Variants in MBP observed in about 807,000 individuals in gnomAD.
The protein encoded by MBP is myelin basic protein, also known as Golli-MBP.
A neutral mutation model predicts 35.8 loss-of-function variants in MBP; 16 were observed. The observed-to-expected ratio is 0.45, with a 90% CI of 0.30 to 0.68. The LOEUF (loss-of-function observed/expected upper bound fraction) is 0.68, where lower values mean the gene tolerates loss of function less well. MBP is among the 30% of genes least tolerant of loss of function. MBP has a pLI of 0.08. For synonymous variants in MBP, 143 were observed against 159.6 expected (o/e 0.90, Z 0.78); for missense variants, 380 against 404.7 (o/e 0.94, Z 0.52).
intron 2 of MBP, among the ~76,000 whole-genome samples, chr18:77,071,294 G>T (rs1437904172): frequency 6.6e-6 from 1 of 152,190 alleles, no homozygotes; most frequent in African/African-American, 2.4e-5. Flanking sequence ...CGGAGTCATG[G>T]TCCACCACAG....
rs989827653 is a variant in MBP, at chr18:77,131,955, G to A, written c.-26+625C>T. Among the ~76,000 whole-genome samples, 15 of 152,128 alleles carry A rather than the reference G, an allele frequency of 9.9e-5. No homozygotes were observed. Among genetic ancestry groups the A allele is most frequent in the African/African-American group, 3.6e-4 (15 of 41,436 alleles). The stretch of plus-strand genomic sequence containing the variant: ...GGAAGCCCGGACCCGGGCTCTCCTG[G>A]CCGCCCCTGGAGCTCAGAGGGAGAC... On this transcript the variant is annotated intron_variant, in intron 1 of 8. Transcript: ENST00000355994. This position sits in a 1 kb window ranked among gnomAD's most constrained non-coding sequence, Gnocchi z 5.5.
intron 2 of MBP, chr18:77,093,203 T>TAG (rs1237658079): frequency 2.0e-5 from 3 of 152,226 alleles, no homozygotes; most frequent in African/African-American, 7.2e-5. Context: ...GGGCCGGCTC[T>TAG]CCGGGAGCAT....
In MBP at chr18:77,044,780, C is replaced by G. The variant is rs580635; in HGVS notation, c.139+21518G>C. Among the ~76,000 whole-genome samples the G allele has an allele frequency of 6.6e-6, 1 of 152,120 alleles. No individual in the cohort carries two copies. Among genetic ancestry groups the G allele is most frequent in the Admixed American group, 6.5e-5 (1 of 15,276 alleles). On this transcript the variant is annotated intron_variant, in intron 3 of 8. Transcript: ENST00000355994. The surrounding 1 kb of genome is among the most constrained non-coding windows in gnomAD (Gnocchi z 4.4). ...AAATGTTCATTTAGAAAAGTTGTATCTGTTTTCTTTCCAAATAAATTTACT... is the reference window on the plus strand; with the variant it reads ...AAATGTTCATTTAGAAAAGTTGTATGTGTTTTCTTTCCAAATAAATTTACT...
intron 1 of MBP, among the ~76,000 whole-genome samples, chr18:77,116,656 C>T (rs923145335): frequency 6.6e-6 from 1 of 152,170 alleles, no homozygotes; most frequent in Non-Finnish European, 1.5e-5. Context: ...CCGAGTAATG[C>T]GTGACCAGCC....
intron 2 of MBP, among the ~76,000 whole-genome samples, chr18:77,087,177 C>A (rs541543462): frequency 2.0e-5 from 3 of 152,248 alleles, no homozygotes; most frequent in African/African-American, 7.2e-5. Flanking sequence ...GACTCCTGAC[C>A]CATCCAGGAG....
chr18:77,013,827 A>G (rs1971478590), intron 4 of MBP: 1 of 985,346 alleles, frequency 1.0e-6, no homozygotes, highest in Admixed American at 6.1e-5. Flanking sequence ...TGTCCAGCTT[A>G]GGTGTCTTGT....
chr18:77,108,458 C>G (rs1244056813), intron 1 of MBP: 2 of 152,204 alleles, frequency 1.3e-5, no homozygotes, highest in African/African-American at 4.8e-5. Flanking sequence ...TGAGCTAGAG[C>G]TGTGGGAGGG....
At chr18:77,120,802 TG>T (rs1307368076) in intron 1 of MBP, among the ~76,000 whole-genome samples, 1 of 152,204 alleles carries the variant, frequency 6.6e-6, no homozygotes, top group African/African-American at 2.4e-5. Context: ...AATAAACCTG[TG>T]TGTGTGCAAT....
chr18:77,012,995 C>A, intron 4 of MBP: 1 of 985,420 alleles, frequency 1.0e-6, no homozygotes, highest in African/African-American at 1.7e-5. Context: ...AATTAACTAT[C>A]GTCTATTCAT....
chr18:77,039,621 C>T (rs1434777911), intron 3 of MBP, among the ~76,000 whole-genome samples: 2 of 152,206 alleles, frequency 1.3e-5, no homozygotes, highest in African/African-American at 4.8e-5. Flanking sequence ...GGGTGAACAG[C>T]ACCCCACATG....
rs959367050 is a variant in MBP, at chr18:77,105,221, T to G, written c.41A>C (p.Lys14Thr). Residue 14 changes from lysine (K) to threonine (T), a missense_variant, in exon 2 of 9, where the codon AAG becomes ACG. Lys to Thr is a moderately conservative substitution (Grantham distance 78, BLOSUM62 -1). Coordinates refer to ENST00000355994, the MANE Select transcript of MBP (RefSeq NM_001025101.2). ...HAGKRELNAE[K>T]ASTNSETNRG... The stretch of plus-strand genomic sequence containing the variant: ...CAGCTCACGTCTTACCGTACTGGCC[T>G]TCTCGGCATTTAATTCTCGTTTGCC... The G allele has an allele frequency of 1.9e-6, 3 of 1,612,752 alleles. No individual in the cohort carries two copies. The highest frequency in any genetic ancestry group is 2.5e-6 in the Non-Finnish European group (3 of 1,179,174).
chr18:77,081,761 T>TAC (rs1482128294), intron 2 of MBP, among the ~76,000 whole-genome samples: 5 of 122,880 alleles, frequency 4.1e-5, no homozygotes, highest in Non-Finnish European at 7.0e-5. Flanking sequence ...TATATATATA[T>TAC]ATATATACAC....
chr18:77,003,710 A>G (rs1435692690), intron 4 of MBP: 1 of 152,214 alleles, frequency 6.6e-6, no homozygotes, highest in African/African-American at 2.4e-5. Context: ...GTTCTAGATG[A>G]AATAGATGCA....
At position 76,979,771 on chromosome 18, in the gene MBP, T is replaced by C. The variant is rs1599443805; in HGVS notation, c.*656A>G. On this transcript the variant is annotated 3_prime_UTR_variant, in exon 9 of 9. Transcript: ENST00000355994. ...TCCCTCTGCCACACGCGAATTCAGCTAATTGGGGTGTGTGGGCAGCCACGG... is the reference window on the plus strand; with the variant it reads ...TCCCTCTGCCACACGCGAATTCAGCCAATTGGGGTGTGTGGGCAGCCACGG... 1.5e-5 allele frequency: 9 copies of C among 591,440 alleles called. No individual in the cohort carries two copies. The East Asian group carries it at 2.6e-4, about 17-fold the overall frequency. 36.6% of individuals were successfully genotyped at this position (591,440 alleles called of 1,614,324 possible). A position where few individuals can be genotyped will look rare whatever the true frequency, so the allele number is the denominator to read the frequency against.
At chr18:77,087,208 C>G (rs532446105) in intron 2 of MBP, 7 of 152,260 alleles carry the variant, frequency 4.6e-5, no homozygotes, top group African/African-American at 1.4e-4. Flanking sequence ...CCCGCGGCAG[C>G]GCCCCACCCC....
At chr18:77,025,788 A>G (rs1311357544) in intron 3 of MBP, among the ~76,000 whole-genome samples, 1 of 145,818 alleles carries the variant, frequency 6.9e-6, no homozygotes, top group East Asian at 2.1e-4. Flanking sequence ...CGCACAAGTA[A>G]CTTCCATCAA....
At position 77,102,973 on chromosome 18, in the gene MBP, G is replaced by A. The variant is rs1358491481; in HGVS notation, c.51+2238C>T. Among the ~76,000 whole-genome samples, 1 of 146,878 alleles carries A rather than the reference G, an allele frequency of 6.8e-6. No individual in the cohort carries two copies. Among genetic ancestry groups the A allele is most frequent in the Non-Finnish European group, 1.5e-5 (1 of 65,254 alleles). On this transcript the variant is annotated intron_variant, in intron 2 of 8. Transcript: ENST00000355994. This position sits in a 1 kb window ranked among gnomAD's most constrained non-coding sequence, Gnocchi z 4.4. ...TATCAGTAATACAGTTTAAGTATGG[G>A]CTGAACAAAATAATGAGTCACCCTC...
chr18:77,032,702 A>T (rs1318112456), intron 3 of MBP, among the ~76,000 whole-genome samples: 1 of 152,214 alleles, frequency 6.6e-6, no homozygotes, highest in African/African-American at 2.4e-5. Context: ...CCCAATATTC[A>T]TGTAGATTCG....
chr18:77,116,477 AGGAGAGCTT>A (rs1324809589), intron 1 of MBP, among the ~76,000 whole-genome samples: 2 of 152,240 alleles, frequency 1.3e-5, no homozygotes, highest in African/African-American at 4.8e-5. Flanking sequence ...ATTTGGGCTC[AGGAGAGCTT>A]GGAGAGCAGC....
Sources: gnomAD v4.1 joint callset for allele counts (sites outside exome capture counted in the v4.1 genomes callset) on GRCh38, gnomAD v4.1.1 for gene constraint, Gnocchi (gnomAD v3.1) non-coding constraint, MANE v1.5 for transcripts, NCBI Gene and HGNC (gene_info 2026-07-23, HGNC 2026-07-21) for gene names.